SIMC1: variants seen among roughly 807,000 people sequenced by gnomAD.
SIMC1 encodes SUMO-interacting motif-containing protein 1.
A neutral mutation model predicts 82.3 loss-of-function variants in SIMC1; 55 were observed. The observed-to-expected ratio is 0.67, with a 90% CI of 0.54 to 0.84. The LOEUF is 0.84. Among genes scored for constraint, SIMC1 ranks in the 40% least tolerant of loss-of-function variants. The pLI is 0.00. For synonymous variants in SIMC1, 353 were observed against 426.3 expected (o/e 0.83, Z 2.12); for missense variants, 915 against 1,107.2 (o/e 0.83, Z 2.46).
chr5:176,329,325 G>A (rs745778372), intron 7 of SIMC1, among the ~76,000 whole-genome samples: 38 of 151,996 alleles, frequency 2.5e-4, no homozygotes, highest in Non-Finnish European at 4.9e-4. Context: ...CAAAAAATTA[G>A]CCGGGTGCGG....
chr5:176,275,060 CTTGGGCAGTATGGCCATTTTCATGATA>C (rs1472860395), intron 1 of SIMC1, among the ~76,000 whole-genome samples: 1 of 151,638 alleles, frequency 6.6e-6, no homozygotes, highest in African/African-American at 2.4e-5. Flanking sequence ...TATAAATTAC[CTTGGGCAGTATGGCCATTTTCATGATA>C]TTGATTCTTC....
At chr5:176,312,072 C>G (rs1030161037) in intron 4 of SIMC1, among the ~76,000 whole-genome samples, 23 of 152,066 alleles carry the variant, frequency 1.5e-4, no homozygotes, top group Non-Finnish European at 2.8e-4. Flanking sequence ...TAGCAGAAAG[C>G]AATAGATAAT....
At chr5:176,328,815 G>A (rs755678377) in intron 7 of SIMC1, among the ~76,000 whole-genome samples, 24 of 152,122 alleles carry the variant, frequency 1.6e-4, no homozygotes, top group East Asian at 3.9e-4. Flanking sequence ...GAGCACAGGC[G>A]TATGAGGCTG....
intron 1 of SIMC1, among the ~76,000 whole-genome samples, chr5:176,281,856 G>T (rs1260293857): frequency 6.6e-6 from 1 of 152,222 alleles, no homozygotes; most frequent in Admixed American, 6.5e-5. Flanking sequence ...GTGCCTCCCA[G>T]TTAGGCTGCT....
chr5:176,316,284 C>T (rs1470651009), intron 5 of SIMC1, among the ~76,000 whole-genome samples: 1 of 152,084 alleles, frequency 6.6e-6, no homozygotes, highest in Non-Finnish European at 1.5e-5. Context: ...GAGTGGGATA[C>T]CCAAGGCACT....
chr5:176,276,597 C>T (rs976856963), intron 1 of SIMC1, among the ~76,000 whole-genome samples: 2 of 112,638 alleles, frequency 1.8e-5, no homozygotes, highest in East Asian at 3.2e-4. Flanking sequence ...TCCCTCCCCC[C>T]TCCCCCCACC....
intron 1 of SIMC1, among the ~76,000 whole-genome samples, chr5:176,259,421 G>T (rs1177648959): frequency 6.6e-6 from 1 of 151,566 alleles, no homozygotes; most frequent in Non-Finnish European, 1.5e-5. Context: ...CTGCACTCCA[G>T]CCTGGGTGAC....
At chr5:176,310,889 A>G (rs1320682900) in intron 4 of SIMC1, among the ~76,000 whole-genome samples, 4 of 152,230 alleles carry the variant, frequency 2.6e-5, no homozygotes, top group Non-Finnish European at 5.9e-5. Context: ...ATAAAAATAA[A>G]AAATAAAAAA....
chr5:176,292,563 CAG>C (rs1763631173), intron 2 of SIMC1, among the ~76,000 whole-genome samples: 1 of 151,524 alleles, frequency 6.6e-6, no homozygotes, highest in Admixed American at 6.6e-5. Flanking sequence ...TTTTTTGGGA[CAG>C]AGTCTCACCC....
chr5:176,285,165 C>T (rs1314742468), intron 1 of SIMC1, among the ~76,000 whole-genome samples: 1 of 152,122 alleles, frequency 6.6e-6, no homozygotes, highest in African/African-American at 2.4e-5. Flanking sequence ...GATACCAAAG[C>T]CGGGCAGAGA....
intron 9 of SIMC1, among the ~76,000 whole-genome samples, chr5:176,339,198 C>T (rs1766027230): frequency 6.6e-6 from 1 of 152,084 alleles, no homozygotes; most frequent in Non-Finnish European, 1.5e-5. Flanking sequence ...CCCGTCTCTA[C>T]TAAAAATACA....
At chr5:176,246,384 A>ATCAGCTTG (rs199903055) in intron 1 of SIMC1, among the ~76,000 whole-genome samples, 2,267 of 149,854 alleles carry the variant, frequency 0.015, 20 homozygotes, top group Non-Finnish European at 0.02. Context: ...AACATTGCCA[A>ATCAGCTTG]TCAGCTTGTA....
At chr5:176,286,477 A>G (rs1355162788) in intron 1 of SIMC1, among the ~76,000 whole-genome samples, 15 of 152,224 alleles carry the variant, frequency 9.9e-5, no homozygotes, top group Non-Finnish European at 1.9e-4. Flanking sequence ...ACCTTATACA[A>G]AAATTAATTC....
intron 6 of SIMC1, among the ~76,000 whole-genome samples, chr5:176,323,968 A>G (rs537251300): frequency 2.0e-5 from 3 of 151,402 alleles, no homozygotes; most frequent in Admixed American, 6.6e-5. Context: ...AGCCTGGGCG[A>G]CAGAGCTAGA....
chr5:176,286,454 A>T (rs1355640724), intron 1 of SIMC1, among the ~76,000 whole-genome samples: 1 of 152,246 alleles, frequency 6.6e-6, no homozygotes, highest in Non-Finnish European at 1.5e-5. Context: ...CTGAAACTGG[A>T]TCCCTTCCTT....
At chr5:176,240,992 CTT>C (rs60144020) in intron 1 of SIMC1, among the ~76,000 whole-genome samples, 5 of 71,216 alleles carry the variant, frequency 7.0e-5, no homozygotes, top group Admixed American at 1.3e-4. Flanking sequence ...ACTTTTACAT[CTT>C]TTTTTTTTTT....
intron 2 of SIMC1, among the ~76,000 whole-genome samples, chr5:176,293,403 C>T (rs1461940430): frequency 2.0e-5 from 3 of 151,322 alleles, no homozygotes; most frequent in Non-Finnish European, 4.4e-5. Flanking sequence ...CCACAGTGCT[C>T]CAGCGTGGGC....
chr5:176,300,892 A>G (rs559702744), intron 4 of SIMC1, among the ~76,000 whole-genome samples: 111 of 152,338 alleles, frequency 7.3e-4, no homozygotes, highest in African/African-American at 2.5e-3. Flanking sequence ...AGATTGACTC[A>G]TGAAGAAATA....
chr5:176,246,615 A>G (rs180769136), intron 1 of SIMC1, among the ~76,000 whole-genome samples: 1 of 151,608 alleles, frequency 6.6e-6, no homozygotes, highest in Non-Finnish European at 1.5e-5. Flanking sequence ...TTTTTTATTT[A>G]TTATTATTAT....
Sources: gnomAD v4.1 joint callset for allele counts (sites outside exome capture counted in the v4.1 genomes callset) on GRCh38, gnomAD v4.1.1 for gene constraint, MANE v1.5 for transcripts, NCBI Gene and HGNC (gene_info 2026-07-23, HGNC 2026-07-21) for gene names.